Variants in SLC22A25 observed in about 807,000 individuals in gnomAD.
The protein encoded by SLC22A25 is solute carrier family 22 member 25.
SLC22A25 carries 44 observed loss-of-function variants against 45.9 expected under a neutral mutation model. The observed-to-expected ratio is 0.96, with a 90% confidence interval of 0.75 to 1.23. The LOEUF (loss-of-function observed/expected upper bound fraction) is 1.23. SLC22A25 is among the 50% of genes most tolerant of loss of function. The pLI is 0.00. For missense variants in SLC22A25, 800 were observed against 666.4 expected (o/e 1.20, Z -2.21); for synonymous variants, 283 against 238.6 (o/e 1.19, Z -1.72).
intron 3 of SLC22A25, among the ~76,000 whole-genome samples, chr11:63,236,707 C>A (rs2090170801): frequency 6.6e-6 from 1 of 152,166 alleles, no homozygotes; most frequent in Non-Finnish European, 1.5e-5. Flanking sequence ...GAACCCAGTA[C>A]CTCAGTTGGA....
intron 8 of SLC22A25, 56 bp from the exon 9 acceptor site, chr11:63,180,831 G>C: frequency 7.8e-7 from 1 of 1,276,870 alleles, no homozygotes; most frequent in Non-Finnish European, 1.1e-6. Context: ...GGTAGGCATT[G>C]TAAGAGGACT....
intron 3 of SLC22A25, among the ~76,000 whole-genome samples, chr11:63,236,489 GA>G (rs1008267863): frequency 2.6e-4 from 39 of 152,158 alleles, no homozygotes; most frequent in African/African-American, 9.4e-4. Flanking sequence ...AAGCCCATTG[GA>G]AAAGCATAGT....
chr11:63,173,620 T>C (rs549330681), intron 9 of SLC22A25, among the ~76,000 whole-genome samples: 1 of 152,130 alleles, frequency 6.6e-6, no homozygotes, highest in Non-Finnish European at 1.5e-5. Flanking sequence ...CAGATTGGGT[T>C]TGTGACTTTC....
chr11:63,183,623 T>C lies in SLC22A25; in HGVS notation c.954+71A>G, dbSNP rs112714588. The C allele has an allele frequency of 7.5e-6, 12 of 1,597,568 alleles. No homozygotes were observed. The African/African-American group carries it at 1.5e-4, about 20-fold the overall frequency. ...GTGTTTCTCTCCTTTATTCACCTTA[T>C]GAACACCAACAAGTATAGATGACAA... On this transcript the variant is annotated intron_variant, in intron 8 of 11. Transcript: ENST00000306494.
chr11:63,195,782 C>G (rs1044082687), intron 7 of SLC22A25, among the ~76,000 whole-genome samples: 1 of 150,690 alleles, frequency 6.6e-6, no homozygotes, highest in Non-Finnish European at 1.5e-5. Flanking sequence ...GATAGAGACA[C>G]AAAGAGCTCT....
chr11:63,179,623 G>A (rs935076105), intron 9 of SLC22A25, among the ~76,000 whole-genome samples: 2 of 152,110 alleles, frequency 1.3e-5, no homozygotes, highest in Non-Finnish European at 2.9e-5. Context: ...TTTGTTCTCA[G>A]TAGTTCTGAG....
intron 3 of SLC22A25, among the ~76,000 whole-genome samples, chr11:63,233,530 T>C (rs1190153261): frequency 2.0e-5 from 3 of 152,226 alleles, no homozygotes; most frequent in African/African-American, 7.2e-5. Context: ...CTCTCTTTTG[T>C]TCTTTATTAG....
chr11:63,218,080 C>T (rs755709709), intron 5 of SLC22A25: 4 of 490,050 alleles, frequency 8.2e-6, no homozygotes, highest in South Asian at 4.6e-5. Context: ...CACGCACTCA[C>T]ATGTTCATTG....
At chr11:63,211,466 G>A (rs564700982) in intron 7 of SLC22A25, among the ~76,000 whole-genome samples, 21 of 152,152 alleles carry the variant, frequency 1.4e-4, no homozygotes, top group Middle Eastern at 6.8e-3. Context: ...GGACTTAAAG[G>A]ATGCCTTCTT....
intron 5 of SLC22A25, chr11:63,220,169 A>G: frequency 2.5e-6 from 1 of 393,988 alleles, no homozygotes; most frequent in Non-Finnish European, 4.7e-6. Context: ...GCAAAGACAA[A>G]AAAAATCAAG....
At chr11:63,228,624 A>G in intron 4 of SLC22A25, 60 bp from the exon 5 acceptor site, 1 of 1,241,312 alleles carries the variant, frequency 8.1e-7, no homozygotes, top group Non-Finnish European at 1.1e-6. Context: ...ACCTTATCAA[A>G]ATGTCTTAAA....
At chr11:63,185,693 C>T (rs1342473942) in intron 7 of SLC22A25, among the ~76,000 whole-genome samples, 12 of 110,232 alleles carry the variant, frequency 1.1e-4, no homozygotes, top group East Asian at 9.9e-4. Context: ...TCCCTCCCCC[C>T]TCCCCCCACC....
chr11:63,188,920 A>G lies in SLC22A25; in HGVS notation c.831-5103T>C, dbSNP rs569526312. On this transcript the variant is annotated intron_variant, in intron 7 of 11. Transcript: ENST00000306494. ...ACTGTGGTCTGAGAGACAGTTTGTT[A>G]TAATTTCTGTTCTTTTACATTTGCT... 3.8e-3 allele frequency among the ~76,000 whole-genome samples: 574 copies of G among 151,328 alleles called. 5 individuals carry two copies. The highest frequency in any genetic ancestry group is 0.013 in the African/African-American group (537 of 41,228).
chr11:63,182,313 C>T (rs552435703), intron 8 of SLC22A25, among the ~76,000 whole-genome samples: 3 of 151,992 alleles, frequency 2.0e-5, no homozygotes, highest in East Asian at 3.9e-4. Context: ...TTTTGTAACA[C>T]TTAATTGTTG....
At chr11:63,242,130 C>T (rs1205806892) in intron 1 of SLC22A25, among the ~76,000 whole-genome samples, 1 of 152,140 alleles carries the variant, frequency 6.6e-6, no homozygotes, top group Non-Finnish European at 1.5e-5. Context: ...AGAAACACTG[C>T]TAGTTGGGAC....
chr11:63,241,201 C>T (rs1565133613), intron 1 of SLC22A25, among the ~76,000 whole-genome samples: 1 of 152,120 alleles, frequency 6.6e-6, no homozygotes, highest in Non-Finnish European at 1.5e-5. Context: ...ATTGTTGAAC[C>T]ATAATATAGT....
Position 63,164,615 on chromosome 11 carries a change from C to T in SLC22A25, c.1305G>A (p.Val435=), listed in dbSNP as rs2134704097. 2 of 1,613,710 alleles carry T rather than the reference C, an allele frequency of 1.2e-6. No individual in the cohort carries two copies. The highest frequency in any genetic ancestry group is 2.2e-5 in the South Asian group (2 of 91,066). ...FVPQEMQTLR[V]VLATLGVGAA... ...CTCCCACACCCAGGGTTGCCAAAAC[C>T]ACACGCAGGGTCTGCATTTCTGGAG... is the stretch of plus-strand genomic sequence containing the variant. The change falls in exon 11 of 12, where the codon GTG becomes GTA. Residue 435 remains valine, a synonymous_variant. Coordinates refer to ENST00000306494, the MANE Select transcript of SLC22A25 (RefSeq NM_199352.6).
chr11:63,188,173 C>A (rs1010292156), intron 7 of SLC22A25, among the ~76,000 whole-genome samples: 1 of 152,134 alleles, frequency 6.6e-6, no homozygotes, highest in Non-Finnish European at 1.5e-5. Flanking sequence ...TCCATCTGGT[C>A]CTGGACTTTT....
intron 9 of SLC22A25, 189 bp from the exon 10 acceptor site, chr11:63,166,447 C>G: frequency 7.1e-7 from 1 of 1,414,484 alleles, no homozygotes; most frequent in Non-Finnish European, 9.2e-7. Context: ...ATAGTGGTAA[C>G]AATTGTATCT....
Sources: allele counts gnomAD v4.1 joint callset (sites outside exome capture counted in the v4.1 genomes callset), GRCh38; gene constraint gnomAD v4.1.1; transcripts MANE v1.5; gene names NCBI Gene and HGNC (gene_info 2026-07-23, HGNC 2026-07-21).